GSTA3: variants seen among roughly 807,000 people sequenced by gnomAD.
The protein encoded by GSTA3 is glutathione S-transferase alpha 3.
A neutral mutation model predicts 23.1 loss-of-function variants in GSTA3; 16 were observed. The observed-to-expected ratio is 0.69, with a 90% CI of 0.47 to 1.05. GSTA3 has a LOEUF of 1.05. Ranked by LOEUF, GSTA3 falls within the 50% of genes least tolerant of loss-of-function variation. GSTA3 has a pLI of 0.00. For missense variants in GSTA3, 319 were observed against 263.6 expected (o/e 1.21, Z -1.46); for synonymous variants, 122 against 91.0 (o/e 1.34, Z -1.94).
At chr6:52,906,351 T>C (rs760401038) in intron 1 of GSTA3, among the ~76,000 whole-genome samples, 1 of 152,228 alleles carries the variant, frequency 6.6e-6, no homozygotes, top group African/African-American at 2.4e-5. Context: ...CTAGGTCTTC[T>C]GACATTCAGA....
rs1297351412 is a variant in GSTA3 at position 52,902,432 on chromosome 6, C to T, written c.186G>A (p.Gly62=). 2 of 1,613,736 alleles carry T rather than the reference C, an allele frequency of 1.2e-6. No individual in the cohort carries two copies. The highest frequency in any genetic ancestry group is 1.7e-6 in the Non-Finnish European group (2 of 1,179,712). The change falls in exon 4 of 7, where the codon GGG becomes GGA. Residue 62 remains glycine, a synonymous_variant. Coordinates refer to ENST00000211122, the MANE Select transcript of GSTA3 (RefSeq NM_000847.5). ...FQQVPMVEID[G]MKLVQTRAIL... ...TGGCTCTGGTCTGTACCAACTTCAT[C>T]CCATCAATCTCAACCATTGGTACTT...
At chr6:52,904,600 G>A (rs897429114) in intron 2 of GSTA3, among the ~76,000 whole-genome samples, 28 of 152,232 alleles carry the variant, frequency 1.8e-4, no homozygotes, top group South Asian at 6.2e-4. Flanking sequence ...TTCACAGGAC[G>A]CCACCTCACC....
chr6:52,906,443 C>T (rs1189330726), intron 1 of GSTA3, among the ~76,000 whole-genome samples: 1 of 152,164 alleles, frequency 6.6e-6, no homozygotes, highest in Non-Finnish European at 1.5e-5. Context: ...TGACTTTCTT[C>T]ACAGAATTGG....
chr6:52,905,184 T>C (rs1300426234), intron 2 of GSTA3, among the ~76,000 whole-genome samples: 1 of 152,236 alleles, frequency 6.6e-6, no homozygotes, highest in Non-Finnish European at 1.5e-5. Flanking sequence ...AATGGTCCTC[T>C]TTGTTTCAAT....
rs116584592 is a variant in GSTA3 at position 52,901,032 on chromosome 6, C to A, written c.273-957G>T. 7.2e-3 allele frequency among the ~76,000 whole-genome samples: 1,097 copies of A among 152,348 alleles called. 13 individuals carry two copies. The highest frequency in any genetic ancestry group is 0.022 in the African/African-American group (930 of 41,580). Reference sequence around the variant, plus strand: ...CCCTTCCTTGGTGAAATTCTATACACAGTTACAACCAGGACATATTTTAGG... The same window carrying A: ...CCCTTCCTTGGTGAAATTCTATACAAAGTTACAACCAGGACATATTTTAGG... On this transcript the variant is annotated intron_variant, in intron 4 of 6. Transcript: ENST00000211122.
Position 52,905,817 on chromosome 6 carries a change from C to T in GSTA3, c.18G>A (p.Lys6=). MAGKP[K]LHYFNGRGRM... ...TGCCCCGTCCATTGAAGTAGTGAAG[C>T]TTGGGCTTCCCTGCCATGGTAACAG... Residue 6 remains lysine, a synonymous_variant, in exon 2 of 7, where the codon AAG becomes AAA. Transcript: ENST00000211122. 6.2e-7 allele frequency: 1 copy of T among 1,605,636 alleles called. No individual in the cohort carries two copies. Among genetic ancestry groups the T allele is most frequent in the Non-Finnish European group, 8.5e-7 (1 of 1,174,302 alleles).
chr6:52,898,352 G>A (rs193164119), intron 5 of GSTA3, among the ~76,000 whole-genome samples: 66 of 152,194 alleles, frequency 4.3e-4, no homozygotes, highest in Non-Finnish European at 4.4e-4. Context: ...CTTGGGCAGT[G>A]ACTCCACCTT....
At chr6:52,908,772 G>T (rs1765976918) in intron 1 of GSTA3, among the ~76,000 whole-genome samples, 1 of 152,102 alleles carries the variant, frequency 6.6e-6, no homozygotes, top group South Asian at 2.1e-4. Context: ...ATGTTCTGTT[G>T]GACAGGGAAT....
At chr6:52,904,210 G>C (rs1765810171) in intron 2 of GSTA3, among the ~76,000 whole-genome samples, 1 of 151,878 alleles carries the variant, frequency 6.6e-6, no homozygotes, top group East Asian at 1.9e-4. Context: ...GACTCATCTT[G>C]AACTCCTGGG....
At position 52,896,899 on chromosome 6, in the gene GSTA3, GGGCA is replaced by G. The variant is rs1264244105; in HGVS notation, c.572_575del (p.Leu191ProfsTer3). On this transcript the variant is annotated frameshift_variant, in exon 7 of 7. Coordinates refer to ENST00000211122, the MANE Select transcript of GSTA3 (RefSeq NM_000847.5). LOFTEE classifies it low-confidence loss of function (END_TRUNC). ...CAGGCTGTAGAAACTTCTTCACCGT[GGGCA>G]GGTTGCTGATTCTGGTTTTCAGGGC... 6.2e-7 allele frequency: 1 copy of G among 1,613,962 alleles called. No individual in the cohort carries two copies. Among genetic ancestry groups the G allele is most frequent in the South Asian group, 1.1e-5 (1 of 91,066 alleles).
rs749342161 is a variant in GSTA3, at chr6:52,902,475, C to T, written c.143G>A (p.Gly48Glu). The change falls in exon 4 of 7, where the codon GGG becomes GAG. Residue 48 changes from glycine to glutamate, a missense_variant. Gly to Glu is a moderately conservative substitution (Grantham distance 98, BLOSUM62 -2). Coordinates refer to ENST00000211122, the MANE Select transcript of GSTA3 (RefSeq NM_000847.5). ...TGGTACTTGCTGGAACATCAAACTC[C>T]CATCTTTAGAAAGAAGGAAAAAAAA... ...AEDLGKLRND[G>E]SLMFQQVPMV... 3.6e-5 allele frequency: 58 copies of T among 1,603,158 alleles called. No homozygotes were observed. Among genetic ancestry groups the T allele is most frequent in the Non-Finnish European group, 4.8e-5 (56 of 1,176,990 alleles).
intron 1 of GSTA3, among the ~76,000 whole-genome samples, chr6:52,909,084 A>T (rs1406656577): frequency 6.6e-6 from 1 of 152,214 alleles, no homozygotes; most frequent in East Asian, 1.9e-4. Context: ...GCAGTAAACT[A>T]ATCTGTGTAA....
At position 52,897,894 on chromosome 6, in the gene GSTA3, G is replaced by C. The variant is rs767551955; in HGVS notation, c.477C>G (p.Ser159Arg). The C allele has an allele frequency of 6.2e-6, 10 of 1,613,818 alleles. No individual in the cohort carries two copies. In the Admixed American group the frequency reaches 1.7e-4, roughly 27 times the overall value. Residue 159 changes from serine to arginine, a missense_variant, in exon 6 of 7, where the codon AGC (serine) becomes AGG (arginine). Transcript: ENST00000211122. ...VGNKLSRADI[S>R]LVELLYYVEE... is the part of the protein sequence containing the mutation. ...CCACATAGTAGAGAAGTTCCACCAG[G>C]CTAATGTCAGCCCGGCTCAGCTTGT...
At chr6:52,899,766 C>T (rs1561951613) in intron 5 of GSTA3, among the ~76,000 whole-genome samples, 168 bp downstream of exon 5, 1 of 152,178 alleles carries the variant, frequency 6.6e-6, no homozygotes, top group Admixed American at 6.5e-5. Context: ...AGTGGTATCA[C>T]TGTTCCTCTA....
In GSTA3 at chr6:52,897,939, T is replaced by A; in HGVS notation, c.432A>T (p.Gly144=). ...PAFEKVLQSH[G]QDYLVGNKLS... is the part of the protein sequence containing the mutation. ...GCTTGTTGCCAACAAGGTAGTCTTG[T>A]CCATGGCTCTGTAACACCTGGAGAA... The change falls in exon 6 of 7, where the codon GGA becomes GGT. Residue 144 remains glycine, a synonymous_variant. Transcript: ENST00000211122. 6.2e-7 allele frequency: 1 copy of A among 1,614,000 alleles called. No individual in the cohort carries two copies. The highest frequency in any genetic ancestry group is 8.5e-7 in the Non-Finnish European group (1 of 1,179,928).
In GSTA3 at chr6:52,900,063, A is replaced by G; in HGVS notation, c.285T>C (p.Tyr95=). 6.2e-7 allele frequency: 1 copy of G among 1,604,616 alleles called. No homozygotes were observed. The highest frequency in any genetic ancestry group is 1.7e-5 in the Admixed American group (1 of 57,440). Residue 95 remains tyrosine (Y), a synonymous_variant, in exon 5 of 7, where the codon TAT becomes TAC. Transcript: ENST00000211122. ...DIKERALIDM[Y]TEGMADLNEM... The stretch of plus-strand genomic sequence containing the variant: ...CATTCAAATCTGCCATACCTTCTGT[A>G]TACATATCAATTCTGAAAGACAAAA...
At chr6:52,905,595 T>C (rs1211867223) in intron 2 of GSTA3, among the ~76,000 whole-genome samples, 153 bp downstream of exon 2, 2 of 151,354 alleles carry the variant, frequency 1.3e-5, no homozygotes, top group African/African-American at 4.9e-5. Context: ...TTTCATTTGG[T>C]AAAATTTGTC....
chr6:52,901,584 C>T (rs1478524385), intron 4 of GSTA3, among the ~76,000 whole-genome samples: 1 of 152,164 alleles, frequency 6.6e-6, no homozygotes, highest in African/African-American at 2.4e-5. Context: ...CCGTTATTTG[C>T]ACTGTACGTT....
At chr6:52,902,840 C>A (rs1302453336) in intron 3 of GSTA3, among the ~76,000 whole-genome samples, 1 of 152,160 alleles carries the variant, frequency 6.6e-6, no homozygotes, top group Non-Finnish European at 1.5e-5. Context: ...CAGGGTAAGT[C>A]TCATGGTGTT....
Sources: allele counts gnomAD v4.1 joint callset (sites outside exome capture counted in the v4.1 genomes callset), GRCh38; gene constraint gnomAD v4.1.1; transcripts MANE v1.5; gene names NCBI Gene and HGNC (gene_info 2026-07-23, HGNC 2026-07-21).